Variants in RAI2 observed in about 807,000 individuals in gnomAD.
RAI2 encodes the protein retinoic acid induced 2.
Under a neutral mutation model 15.3 loss-of-function variants are expected in RAI2, and 5 were observed. The observed-to-expected ratio is 0.33, with a 90% CI of 0.17 to 0.69. The LOEUF is 0.69. Among genes scored for constraint, RAI2 ranks in the 30% least tolerant of loss-of-function variants. The probability of loss-of-function intolerance (pLI) is 0.69; values close to 1 mark genes in which losing one functional copy is unlikely to be tolerated. For synonymous variants in RAI2, 191 were observed against 184.0 expected (o/e 1.04, Z -0.31); for missense variants, 424 against 424.7 (o/e 1.00, Z 0.01).
chrX:17,827,212 C>G (rs1411568952), intron 1 of RAI2, among the ~76,000 whole-genome samples: 1 of 111,426 alleles, frequency 9.0e-6, no homozygotes, highest in Admixed American at 9.5e-5. Context: ...CTACAGCAGC[C>G]CTTAGTGCAG....
intron 1 of RAI2, among the ~76,000 whole-genome samples, chrX:17,813,068 TTG>T (rs200615037): frequency 0.057 from 6,341 of 111,030 alleles, 185 homozygotes; most frequent in African/African-American, 0.099. Flanking sequence ...AAATATAGCA[TTG>T]TTTACAAGTC....
At chrX:17,815,215 T>A (rs939500937) in intron 1 of RAI2, among the ~76,000 whole-genome samples, 2 of 111,671 alleles carry the variant, frequency 1.8e-5, no homozygotes, top group Non-Finnish European at 3.8e-5. Flanking sequence ...AAAGATCGGC[T>A]GTATAACATC....
chrX:17,802,603 C>T lies in RAI2; in HGVS notation c.-24-569G>A, dbSNP rs184952292. Among the ~76,000 whole-genome samples the T allele has an allele frequency of 7.2e-4, 81 of 112,133 alleles. 1 individual carries two copies. The highest frequency in any genetic ancestry group is 2.0e-3 in the African/African-American group (63 of 30,906). ...CTCTCTGTCTCCCTCTGACCAATGA[C>T]ATTCCCATTTCTCCCAGTAACAGCA... On this transcript the variant is annotated intron_variant, in intron 1 of 1. Transcript: ENST00000451717.
intron 1 of RAI2, among the ~76,000 whole-genome samples, chrX:17,837,960 G>T (rs1181834380): frequency 8.9e-6 from 1 of 111,993 alleles, no homozygotes; most frequent in Non-Finnish European, 1.9e-5. Context: ...TAAACAAACT[G>T]TAATACATCC....
At chrX:17,819,807 G>A (rs774414701) in intron 1 of RAI2, among the ~76,000 whole-genome samples, 2 of 112,120 alleles carry the variant, frequency 1.8e-5, no homozygotes, top group African/African-American at 6.5e-5. Context: ...GAAAGTGGTT[G>A]CTCCAGGGAG....
At chrX:17,843,202 T>C (rs2067418828) in intron 1 of RAI2, among the ~76,000 whole-genome samples, 1 of 111,939 alleles carries the variant, frequency 8.9e-6, no homozygotes. Flanking sequence ...GTTTTGTTTG[T>C]AATGCATTTC....
rs781045826 is a variant in RAI2 at position 17,855,795 on chromosome X, C to T, written c.-25+5303G>A. ...AAAAGAAGCCACTAATTTTAATACT[C>T]TATCATATTTAACTAATATATTCAA... is the stretch of plus-strand genomic sequence containing the variant. On this transcript the variant is annotated intron_variant, in intron 1 of 1. Transcript: ENST00000451717. Among the ~76,000 whole-genome samples the T allele has an allele frequency of 3.2e-4, 36 of 112,390 alleles. No individual in the cohort carries two copies. In the East Asian group the frequency reaches 9.1e-3, roughly 29 times the overall value.
chrX:17,826,461 GAAT>G (rs905420187), intron 1 of RAI2, among the ~76,000 whole-genome samples: 6 of 110,342 alleles, frequency 5.4e-5, no homozygotes, highest in Non-Finnish European at 1.1e-4. Context: ...CCAGCACCCA[GAAT>G]AATACCTGGT....
intron 1 of RAI2, among the ~76,000 whole-genome samples, chrX:17,860,246 C>T (rs1320182924): frequency 8.9e-6 from 1 of 112,533 alleles, no homozygotes; most frequent in Non-Finnish European, 1.9e-5. Flanking sequence ...TTTCCCCACC[C>T]AGGCGGAGCT....
At chrX:17,855,066 G>T (rs1376166318) in intron 1 of RAI2, among the ~76,000 whole-genome samples, 1 of 112,088 alleles carries the variant, frequency 8.9e-6, no homozygotes, top group African/African-American at 3.2e-5. Context: ...CTACCTCCCT[G>T]AACTCTCCTT....
At chrX:17,837,873 A>G (rs1311708506) in intron 1 of RAI2, 1 of 112,463 alleles carries the variant, frequency 8.9e-6, no homozygotes, top group African/African-American at 3.2e-5. Flanking sequence ...AGACATGTTC[A>G]AGAATATTTG....
rs749477193 is a variant in RAI2 at position 17,827,003 on chromosome X, G to A, written c.-24-24969C>T. ...TAATGCATAGATTCCATTTATTTTGGCTACAGCTGAAGATATAGAGAGTTG... is the reference window on the plus strand; with the variant it reads ...TAATGCATAGATTCCATTTATTTTGACTACAGCTGAAGATATAGAGAGTTG... On this transcript the variant is annotated intron_variant, in intron 1 of 1. Coordinates refer to ENST00000451717, the MANE Select transcript of RAI2 (RefSeq NM_021785.6). Among the ~76,000 whole-genome samples, 377 of 112,416 alleles carry A rather than the reference G, an allele frequency of 3.4e-3. 1 individual carries two copies. Among genetic ancestry groups the A allele is most frequent in the African/African-American group, 0.011 (353 of 30,958 alleles).
chrX:17,831,364 T>C (rs1425807717), intron 1 of RAI2, among the ~76,000 whole-genome samples: 2 of 112,091 alleles, frequency 1.8e-5, no homozygotes, highest in Admixed American at 1.9e-4. Context: ...AAAAGCTTTT[T>C]TTTAAAAAAA....
rs761450238 is a variant in RAI2 at position 17,800,661 on chromosome X, T to C, written c.1350A>G (p.Ile450Met). 4 of 1,211,253 alleles carry C rather than the reference T, an allele frequency of 3.3e-6. No homozygotes were observed. In the South Asian group the frequency reaches 7.0e-5, roughly 21 times the overall value. ...AGAGGCCTTTGATCTTGCCACAGAA[T>C]ATGGTAGGCACAGCATCTTCGACAG... ...IVSVEDAVPT[I>M]FCGKIKGLSG... The change falls in exon 2 of 2, where the codon ATA becomes ATG. Residue 450 changes from isoleucine (I) to methionine (M), a missense_variant. By Grantham distance (10) the Ile-to-Met change is conservative. Transcript: ENST00000451717.
At position 17,800,941 on chromosome X, in the gene RAI2, G is replaced by T; in HGVS notation, c.1070C>A (p.Pro357His). Residue 357 changes from proline to histidine, a missense_variant, in exon 2 of 2, where the codon CCT becomes CAT. By Grantham distance (77) the Pro-to-His change is moderately conservative. Transcript: ENST00000451717. ...VAAHRKSEPPPETLYDSGASV... is the reference protein window; with the variant it reads ...VAAHRKSEPPHETLYDSGASV... ...TGCACCACTGTCATACAGTGTCTCA[G>T]GGGGAGGCTCGGATTTCCGGTGGGC... 1 of 1,211,243 alleles carries T rather than the reference G, an allele frequency of 8.3e-7. No homozygotes were observed. Among genetic ancestry groups the T allele is most frequent in the Non-Finnish European group, 1.1e-6 (1 of 895,095 alleles).
intron 1 of RAI2, among the ~76,000 whole-genome samples, chrX:17,808,543 G>A (rs1350081208): frequency 9.0e-6 from 1 of 111,349 alleles, no homozygotes; most frequent in Non-Finnish European, 1.9e-5. Context: ...GCACACGACT[G>A]CTGGTCTGCT....
chrX:17,816,200 C>A (rs1293736522), intron 1 of RAI2, among the ~76,000 whole-genome samples: 1 of 110,834 alleles, frequency 9.0e-6, no homozygotes, highest in Non-Finnish European at 1.9e-5. Context: ...GCATCCCCAG[C>A]AGACTGGTAC....
intron 1 of RAI2, among the ~76,000 whole-genome samples, chrX:17,852,226 C>T (rs949629821): frequency 7.1e-5 from 8 of 111,954 alleles, no homozygotes; most frequent in East Asian, 5.6e-4. Context: ...CTCTTCATGG[C>T]GACAAGGAAG....
intron 1 of RAI2, among the ~76,000 whole-genome samples, chrX:17,821,567 T>TAAGA (rs1569347891): frequency 9.2e-6 from 1 of 109,178 alleles, no homozygotes; most frequent in African/African-American, 3.3e-5. Flanking sequence ...TGTGTGTGTG[T>TAAGA]AAGAGAGAGA....
Sources: allele counts gnomAD v4.1 joint callset (sites outside exome capture counted in the v4.1 genomes callset), GRCh38; gene constraint gnomAD v4.1.1; transcripts MANE v1.5; gene names NCBI Gene and HGNC (gene_info 2026-07-23, HGNC 2026-07-21).